The following RREB1 variants were observed in gnomAD, a reference collection of about 807,000 sequenced individuals.
RREB1 encodes the protein ras responsive element binding protein 1.
RREB1 carries 27 observed loss-of-function variants against 117.8 expected under a neutral mutation model. The observed-to-expected ratio is 0.23, with a 90% CI of 0.17 to 0.32. The LOEUF (loss-of-function observed/expected upper bound fraction) is 0.32. Ranked by LOEUF, RREB1 falls within the 10% of genes least tolerant of loss-of-function variation. The probability of loss-of-function intolerance (pLI) is 1.00; values close to 1 mark genes in which losing one functional copy is unlikely to be tolerated. For synonymous variants in RREB1, 1,298 were observed against 1,026.7 expected (o/e 1.26, Z -5.05); for missense variants, 2,577 against 2,378.2 (o/e 1.08, Z -1.74).
At chr6:7,155,039 C>A (rs1047913704) in intron 1 of RREB1, among the ~76,000 whole-genome samples, 1 of 152,026 alleles carries the variant, frequency 6.6e-6, no homozygotes, top group Non-Finnish European at 1.5e-5. Flanking sequence ...TTGTTAGGGG[C>A]GGAACGAAGG....
chr6:7,140,421 C>T (rs942092111), intron 1 of RREB1, among the ~76,000 whole-genome samples: 6 of 152,062 alleles, frequency 3.9e-5, no homozygotes, highest in African/African-American at 4.8e-5. Flanking sequence ...TAATCTATTT[C>T]GTTTCTGGAG....
In RREB1 at chr6:7,248,673, C is replaced by G; in HGVS notation, c.4934C>G (p.Thr1645Ser). The change falls in exon 13 of 13, where the codon ACC (threonine) becomes AGC (serine). Residue 1645 changes from threonine to serine, a missense_variant. Physicochemically the swap from Thr to Ser is moderately conservative, Grantham distance 58 (BLOSUM62 1). Coordinates refer to ENST00000379938, the MANE Select transcript of RREB1 (RefSeq NM_001003699.4). ...RGEEDSENES[T>S]HSGNNAVSEN... The stretch of plus-strand genomic sequence containing the variant: ...GAGGAGGACAGCGAGAATGAGTCCA[C>G]CCACAGCGGCAACAACGCCGTCTCA... 6.2e-7 allele frequency: 1 copy of G among 1,614,126 alleles called. No homozygotes were observed. Among genetic ancestry groups the G allele is most frequent in the Non-Finnish European group, 8.5e-7 (1 of 1,180,014 alleles).
chr6:7,157,634 T>TG (rs946342394), intron 1 of RREB1, among the ~76,000 whole-genome samples: 29 of 151,840 alleles, frequency 1.9e-4, no homozygotes, highest in Non-Finnish European at 2.8e-4. Flanking sequence ...TAGCATGGTG[T>TG]GGTGGTGCGC....
chr6:7,248,430 C>A, intron 12 of RREB1, 81 bp from the exon 13 acceptor site: 1 of 1,257,520 alleles, frequency 8.0e-7, no homozygotes, highest in South Asian at 1.4e-5. Context: ...GCCTGGGAGC[C>A]TCATTCTTCC....
chr6:7,247,083 G>A lies in RREB1; in HGVS notation c.4633G>A (p.Asp1545Asn), dbSNP rs776759831. ...CGAGAAAAGGTCCTCAGAGAAGAGCGACGATGACAAGAAACCAAAGACAGA... is the reference window on the plus strand; with the variant it reads ...CGAGAAAAGGTCCTCAGAGAAGAGCAACGATGACAAGAAACCAAAGACAGA... ...AAEKRSSEKSDDDKKPKTDSP... is the reference protein window; with the variant it reads ...AAEKRSSEKSNDDKKPKTDSP... Residue 1545 changes from aspartate to asparagine, a missense_variant, in exon 12 of 13, where the codon GAC becomes AAC. Coordinates refer to ENST00000379938, the MANE Select transcript of RREB1 (RefSeq NM_001003699.4). 5.0e-6 allele frequency: 8 copies of A among 1,613,690 alleles called. No individual in the cohort carries two copies. The highest frequency in any genetic ancestry group is 2.2e-5 in the East Asian group (1 of 44,862).
intron 1 of RREB1, among the ~76,000 whole-genome samples, chr6:7,117,800 C>T (rs1761481295): frequency 6.6e-6 from 1 of 152,080 alleles, no homozygotes; most frequent in African/African-American, 2.4e-5. Flanking sequence ...AATTCCTAAA[C>T]TCCTGGGATG....
In RREB1 at chr6:7,230,317, A is replaced by G. The variant is rs1408817002; in HGVS notation, c.2218A>G (p.Ser740Gly). The change falls in exon 10 of 13, where the codon AGC becomes GGC. Residue 740 changes from serine (S) to glycine (G), a missense_variant. Ser to Gly is a moderately conservative substitution (Grantham distance 56, BLOSUM62 0). Transcript: ENST00000379938. The stretch of plus-strand genomic sequence containing the variant: ...GAAGAACATCGAGTATGTGAGTAGC[A>G]GCGCGGCCGAGCTGGTGGACGCCTT... Reference protein sequence around the residue: ...IEKNIEYVSSSAAELVDAFCA... With the variant: ...IEKNIEYVSSGAAELVDAFCA... The G allele has an allele frequency of 1.9e-6, 3 of 1,588,010 alleles. No homozygotes were observed. Among genetic ancestry groups the G allele is most frequent in the Non-Finnish European group, 1.7e-6 (2 of 1,172,180 alleles).
At chr6:7,164,195 T>G (rs1763812213) in intron 1 of RREB1, among the ~76,000 whole-genome samples, 2 of 152,178 alleles carry the variant, frequency 1.3e-5, no homozygotes, top group Admixed American at 1.3e-4. Flanking sequence ...GCGCAGAAAT[T>G]CAGATTGTGG....
chr6:7,217,505 G>C (rs763075812), intron 8 of RREB1: 1 of 152,206 alleles, frequency 6.6e-6, no homozygotes, highest in Non-Finnish European at 1.5e-5. Context: ...TAAGGAGCCA[G>C]GGCATCTGCA....
chr6:7,146,427 G>T (rs538907619), intron 1 of RREB1, among the ~76,000 whole-genome samples: 1 of 152,120 alleles, frequency 6.6e-6, no homozygotes, highest in East Asian at 1.9e-4. Context: ...GTGTGCACAC[G>T]CAGACAGCCT....
intron 8 of RREB1, chr6:7,211,936 C>T: frequency 1.8e-6 from 1 of 546,380 alleles, no homozygotes; most frequent in Non-Finnish European, 3.3e-6. Flanking sequence ...CCTTCTTTCT[C>T]TCAGCAAAGC....
rs182599315 is a variant in RREB1, at chr6:7,161,557, C to T, written c.-284-15098C>T. ...TGTGTTATGTTTCACTGTGTTTCAT[C>T]TTCCTGTGCCTGGGATCCCCCATGC... On this transcript the variant is annotated intron_variant, in intron 1 of 12. Coordinates refer to ENST00000379938, the MANE Select transcript of RREB1 (RefSeq NM_001003699.4). 8.5e-5 allele frequency among the ~76,000 whole-genome samples: 13 copies of T among 152,308 alleles called. No individual in the cohort carries two copies. In the East Asian group the frequency reaches 2.3e-3, roughly 27 times the overall value.
chr6:7,229,509 C>A lies in RREB1; in HGVS notation c.1410C>A (p.Ile470=). Residue 470 remains isoleucine (I), a synonymous_variant, in exon 10 of 13, where the codon ATC becomes ATA. Coordinates refer to ENST00000379938, the MANE Select transcript of RREB1 (RefSeq NM_001003699.4). This position sits in a 1 kb window ranked among gnomAD's most constrained non-coding sequence, Gnocchi z 4.5. ...SGESAIELAD[I]QQILKMAASA... ...AGTCGGCCATCGAGCTGGCAGACAT[C>A]CAGCAAATTCTGAAGATGGCAGCCT... is the stretch of plus-strand genomic sequence containing the variant. 1 of 1,614,194 alleles carries A rather than the reference C, an allele frequency of 6.2e-7. No individual in the cohort carries two copies. Among genetic ancestry groups the A allele is most frequent in the Non-Finnish European group, 8.5e-7 (1 of 1,180,036 alleles).
At chr6:7,148,353 T>C (rs1253056650) in intron 1 of RREB1, among the ~76,000 whole-genome samples, 1 of 152,056 alleles carries the variant, frequency 6.6e-6, no homozygotes, top group Middle Eastern at 3.2e-3. Context: ...GAAAAGATGT[T>C]AGGGGATGAG....
At chr6:7,196,322 T>C (rs913261767) in intron 6 of RREB1, among the ~76,000 whole-genome samples, 1 of 151,530 alleles carries the variant, frequency 6.6e-6, no homozygotes, top group Non-Finnish European at 1.5e-5. Context: ...TTAGCTGATA[T>C]TGAGGTGCCT....
intron 9 of RREB1, among the ~76,000 whole-genome samples, chr6:7,227,612 C>T (rs758749686): frequency 2.6e-5 from 4 of 152,018 alleles, no homozygotes; most frequent in South Asian, 2.1e-4. Flanking sequence ...CTATGATAAT[C>T]GGAATTCGTG....
At chr6:7,176,276 G>A (rs1396218878) in intron 1 of RREB1, among the ~76,000 whole-genome samples, 2 of 152,128 alleles carry the variant, frequency 1.3e-5, no homozygotes, top group African/African-American at 2.4e-5. Flanking sequence ...AGCACTAATT[G>A]CTGCCTTGCT....
chr6:7,137,856 G>A (rs1179061536), intron 1 of RREB1, among the ~76,000 whole-genome samples: 1 of 152,140 alleles, frequency 6.6e-6, no homozygotes, highest in Non-Finnish European at 1.5e-5. Context: ...GGCCCGGCGA[G>A]CGGTTGGATT....
chr6:7,141,113 C>G (rs1399610596), intron 1 of RREB1, among the ~76,000 whole-genome samples: 1 of 152,196 alleles, frequency 6.6e-6, no homozygotes, highest in Non-Finnish European at 1.5e-5. Context: ...CGTCAGGGCT[C>G]CACGGCCGCA....
Sources: gnomAD v4.1 joint callset for allele counts (sites outside exome capture counted in the v4.1 genomes callset) on GRCh38, gnomAD v4.1.1 for gene constraint, Gnocchi (gnomAD v3.1) non-coding constraint, MANE v1.5 for transcripts, NCBI Gene and HGNC (gene_info 2026-07-23, HGNC 2026-07-21) for gene names.